Variants in LPAR3 observed in about 807,000 individuals in gnomAD.
The protein encoded by LPAR3 is LPA receptor 3.
A neutral mutation model predicts 17.8 loss-of-function variants in LPAR3; 7 were observed. The observed-to-expected ratio is 0.39, with a 90% CI of 0.22 to 0.74. The LOEUF (loss-of-function observed/expected upper bound fraction) is 0.74. Ranked by LOEUF, LPAR3 falls within the 30% of genes least tolerant of loss-of-function variation. LPAR3 has a pLI of 0.40. For synonymous variants in LPAR3, 179 were observed against 179.9 expected (o/e 0.99, Z 0.04); for missense variants, 391 against 453.4 (o/e 0.86, Z 1.25).
chr1:84,856,309 ACT>A (rs1238997677), intron 2 of LPAR3, among the ~76,000 whole-genome samples: 5 of 151,826 alleles, frequency 3.3e-5, no homozygotes, highest in Admixed American at 6.6e-5. Context: ...TTCTGATATG[ACT>A]CTCTGCACAG....
At chr1:84,815,678 C>T (rs1447437575) in intron 2 of LPAR3, among the ~76,000 whole-genome samples, 1 of 152,122 alleles carries the variant, frequency 6.6e-6, no homozygotes, top group Non-Finnish European at 1.5e-5. Flanking sequence ...AGCCTCCATT[C>T]CCTCCTTTAT....
chr1:84,855,232 G>A (rs908059491), intron 2 of LPAR3, among the ~76,000 whole-genome samples: 3 of 152,112 alleles, frequency 2.0e-5, no homozygotes, highest in African/African-American at 4.8e-5. Context: ...TGAAATTTTC[G>A]AAGTACAATG....
intron 2 of LPAR3, among the ~76,000 whole-genome samples, chr1:84,864,869 C>T (rs918226955): frequency 6.6e-6 from 1 of 152,108 alleles, no homozygotes; most frequent in Non-Finnish European, 1.5e-5. Flanking sequence ...CCATCCCCTA[C>T]CCCACCAGCT....
intron 1 of LPAR3, among the ~76,000 whole-genome samples, chr1:84,891,664 G>A (rs7556480): frequency 0.3 from 45,121 of 152,060 alleles, 6,959 homozygotes; most frequent in East Asian, 0.45. Context: ...TCTTCTCAGC[G>A]ATACAAAAGT....
At position 84,847,605 on chromosome 1, in the gene LPAR3, T is replaced by A. The variant is rs376532512; in HGVS notation, c.736+17780A>T. On this transcript the variant is annotated intron_variant, in intron 2 of 2. Coordinates refer to ENST00000370611, the MANE Select transcript of LPAR3 (RefSeq NM_012152.3). The stretch of plus-strand genomic sequence containing the variant: ...AGACCCCCCTGTCCTCAGCTGTGCC[T>A]GCTGATTGGGACCTGGGTGTCTGTT... Among the ~76,000 whole-genome samples the A allele has an allele frequency of 2.0e-4, 31 of 152,330 alleles. No homozygotes were observed. The East Asian group carries it at 5.4e-3, about 27-fold the overall frequency.
chr1:84,842,022 G>GAA (rs2102754950), intron 2 of LPAR3, among the ~76,000 whole-genome samples: 1 of 152,256 alleles, frequency 6.6e-6, no homozygotes, highest in South Asian at 2.1e-4. Flanking sequence ...TGTAGGGGAA[G>GAA]AATAAAATTA....
chr1:84,885,650 C>A (rs1383092401), intron 1 of LPAR3, among the ~76,000 whole-genome samples: 1 of 152,086 alleles, frequency 6.6e-6, no homozygotes, highest in Non-Finnish European at 1.5e-5. Flanking sequence ...TGAGCTATGG[C>A]TGGGAAGAGC....
chr1:84,880,069 C>T (rs1660335611), intron 1 of LPAR3, among the ~76,000 whole-genome samples: 1 of 152,202 alleles, frequency 6.6e-6, no homozygotes, highest in Non-Finnish European at 1.5e-5. Context: ...GTGGCTCATG[C>T]CTGTAATCCC....
At chr1:84,860,772 A>T (rs1035285082) in intron 2 of LPAR3, among the ~76,000 whole-genome samples, 3 of 127,296 alleles carry the variant, frequency 2.4e-5, no homozygotes, top group Non-Finnish European at 4.7e-5. Flanking sequence ...ACGGAGTCTC[A>T]CTGTCACCCA....
intron 2 of LPAR3, among the ~76,000 whole-genome samples, chr1:84,823,930 A>T (rs575674052): frequency 1.2e-3 from 184 of 152,320 alleles, no homozygotes; most frequent in African/African-American, 4.3e-3. Context: ...AGGATTGGAC[A>T]TTCTTCCTGC....
chr1:84,870,813 T>C (rs1459001784), intron 1 of LPAR3, among the ~76,000 whole-genome samples: 1 of 152,170 alleles, frequency 6.6e-6, no homozygotes, highest in Admixed American at 6.5e-5. Context: ...CATTCTTATC[T>C]GCAACACTAT....
At chr1:84,834,128 C>G (rs143853991) in intron 2 of LPAR3, among the ~76,000 whole-genome samples, 1 of 152,120 alleles carries the variant, frequency 6.6e-6, no homozygotes, top group Non-Finnish European at 1.5e-5. Flanking sequence ...CCTAGCCATG[C>G]TGCAAATATT....
At chr1:84,823,692 C>G (rs376824972) in intron 2 of LPAR3, among the ~76,000 whole-genome samples, 3 of 152,200 alleles carry the variant, frequency 2.0e-5, no homozygotes, top group South Asian at 4.1e-4. Context: ...CAGGCAACAG[C>G]TGGAAGTTAT....
At chr1:84,822,409 ATATCT>A (rs1052445039) in intron 2 of LPAR3, among the ~76,000 whole-genome samples, 1 of 152,218 alleles carries the variant, frequency 6.6e-6, no homozygotes, top group Non-Finnish European at 1.5e-5. Context: ...CACTGAGATG[ATATCT>A]TAATGACTGC....
chr1:84,844,310 C>T (rs1659558582), intron 2 of LPAR3, among the ~76,000 whole-genome samples: 1 of 152,168 alleles, frequency 6.6e-6, no homozygotes, highest in Non-Finnish European at 1.5e-5. Flanking sequence ...CTGGTCTTTT[C>T]AAATGTCTTG....
intron 2 of LPAR3, among the ~76,000 whole-genome samples, chr1:84,842,430 T>A (rs1225172272): frequency 1.3e-5 from 2 of 152,256 alleles, no homozygotes; most frequent in African/African-American, 4.8e-5. Context: ...CGTATGGTTA[T>A]GCAAGCTGAA....
chr1:84,887,839 G>C (rs935601398), intron 1 of LPAR3, among the ~76,000 whole-genome samples: 4 of 152,154 alleles, frequency 2.6e-5, no homozygotes, highest in African/African-American at 7.2e-5. Context: ...TAGGAACAGG[G>C]AAAGTCTGAG....
rs10610638 is a variant in LPAR3 at position 84,813,160 on chromosome 1, G to GACACACAC, written c.*678_*685dup. ...ATATATATATATATATATATATATA[G>GACACACAC]ACACACACACACACACACACACACA... On this transcript the variant is annotated 3_prime_UTR_variant, in exon 3 of 3. Transcript: ENST00000370611. 1.0e-5 allele frequency: 1 copy of GACACACAC among 99,526 alleles called. No individual in the cohort carries two copies. The highest frequency in any genetic ancestry group is 4.4e-5 in the African/African-American group (1 of 22,608). The allele number at this position is 99,526 out of a possible 1,614,324, so 6.2% of individuals were successfully genotyped here.
intron 2 of LPAR3, among the ~76,000 whole-genome samples, chr1:84,816,769 C>A (rs1291346253): frequency 2.0e-5 from 3 of 152,128 alleles, no homozygotes; most frequent in Non-Finnish European, 4.4e-5. Flanking sequence ...TGCACTCCAG[C>A]CTGGGCAATA....
Sources: gnomAD v4.1 joint callset for allele counts (sites outside exome capture counted in the v4.1 genomes callset) on GRCh38, gnomAD v4.1.1 for gene constraint, MANE v1.5 for transcripts, NCBI Gene and HGNC (gene_info 2026-07-23, HGNC 2026-07-21) for gene names.